The following ADAMTS3 variants were observed in gnomAD, a reference collection of about 807,000 sequenced individuals.
ADAMTS3 encodes the protein ADAM metallopeptidase with thrombospondin type 1 motif 3.
Under a neutral mutation model 129.0 loss-of-function variants are expected in ADAMTS3, and 73 were observed. The observed-to-expected ratio is 0.57, with a 90% CI of 0.47 to 0.69. The LOEUF is 0.69. Among genes scored for constraint, ADAMTS3 ranks in the 30% least tolerant of loss-of-function variants. ADAMTS3 has a pLI of 0.00. For synonymous variants in ADAMTS3, 477 were observed against 510.8 expected, an observed-to-expected ratio of 0.93 and a Z score of 0.89; for missense variants, 1,457 against 1,514.5, an observed-to-expected ratio of 0.96 and a Z score of 0.63.
chr4:72,319,100 T>C (rs1719482995), intron 9 of ADAMTS3, among the ~76,000 whole-genome samples: 1 of 152,174 alleles, frequency 6.6e-6, no homozygotes, highest in Non-Finnish European at 1.5e-5. Context: ...AACAATTTAC[T>C]AAAGGAAAAT....
chr4:72,511,108 C>T lies in ADAMTS3; in HGVS notation c.504+37370G>A, dbSNP rs148266032. ...AATAAAAGTAGATCCCTATGTCTCTCCATATGCAAAAATCAAATCAAAATA... is the reference window on the plus strand; with the variant it reads ...AATAAAAGTAGATCCCTATGTCTCTTCATATGCAAAAATCAAATCAAAATA... On this transcript the variant is annotated intron_variant, in intron 3 of 21. Transcript: ENST00000286657. Among the ~76,000 whole-genome samples, 897 of 152,166 alleles carry T rather than the reference C, an allele frequency of 5.9e-3. 5 individuals are homozygous for T. Among genetic ancestry groups the T allele is most frequent in the Middle Eastern group, 0.01 (3 of 294 alleles).
In ADAMTS3 at chr4:72,298,516, C is replaced by T. The variant is rs180972288; in HGVS notation, c.2425-74G>A. The T allele has an allele frequency of 2.6e-6, 3 of 1,155,568 alleles. No individual in the cohort carries two copies. The African/African-American group carries it at 4.6e-5, about 18-fold the overall frequency. 71.6% of individuals were successfully genotyped at this position (1,155,568 alleles called of 1,614,324 possible). ...TTTGAGTGTAAAATTACAAATATTTCAGAATATTGCTCTTATTAAAACTGA... is the reference window on the plus strand; with the variant it reads ...TTTGAGTGTAAAATTACAAATATTTTAGAATATTGCTCTTATTAAAACTGA... On this transcript the variant is annotated intron_variant, in intron 17 of 21. Coordinates refer to ENST00000286657, the MANE Select transcript of ADAMTS3 (RefSeq NM_014243.3).
intron 3 of ADAMTS3, among the ~76,000 whole-genome samples, chr4:72,530,726 A>C (rs1367813199): frequency 1.3e-5 from 1 of 75,592 alleles, no homozygotes; most frequent in East Asian, 4.0e-4. Flanking sequence ...ATAATATTAT[A>C]CATTATATAT....
At chr4:72,404,153 G>A (rs1721993488) in intron 4 of ADAMTS3, among the ~76,000 whole-genome samples, 1 of 152,018 alleles carries the variant, frequency 6.6e-6, no homozygotes, top group African/African-American at 2.4e-5. Flanking sequence ...ATTTTTTACG[G>A]ACATAGAAAA....
intron 3 of ADAMTS3, among the ~76,000 whole-genome samples, chr4:72,489,376 A>C (rs1484276207): frequency 6.6e-6 from 1 of 151,940 alleles, no homozygotes; most frequent in Non-Finnish European, 1.5e-5. Context: ...ACAATTCATA[A>C]GTTTTAAATT....
At chr4:72,382,488 AT>A (rs1487876937) in intron 4 of ADAMTS3, among the ~76,000 whole-genome samples, 2 of 152,140 alleles carry the variant, frequency 1.3e-5, no homozygotes, top group Admixed American at 1.3e-4. Context: ...TTCTCAAAGA[AT>A]TAAAAATAAA....
chr4:72,467,914 T>C (rs961861942), intron 3 of ADAMTS3, among the ~76,000 whole-genome samples: 22 of 152,056 alleles, frequency 1.4e-4, no homozygotes, highest in African/African-American at 5.1e-4. Context: ...AATCCAATTA[T>C]ATAGAGCAGT....
intron 3 of ADAMTS3, among the ~76,000 whole-genome samples, chr4:72,423,778 G>T (rs1030019794): frequency 6.6e-6 from 1 of 152,058 alleles, no homozygotes; most frequent in African/African-American, 2.4e-5. Flanking sequence ...AGAATGACTA[G>T]TATTGATCTG....
intron 3 of ADAMTS3, among the ~76,000 whole-genome samples, chr4:72,479,896 A>T (rs971972265): frequency 1.3e-5 from 2 of 152,210 alleles, no homozygotes; most frequent in Non-Finnish European, 2.9e-5. Flanking sequence ...ATATGAACAG[A>T]CACTTCTCAA....
At chr4:72,527,842 C>A (rs1720855065) in intron 3 of ADAMTS3, among the ~76,000 whole-genome samples, 1 of 152,108 alleles carries the variant, frequency 6.6e-6, no homozygotes, top group Non-Finnish European at 1.5e-5. Flanking sequence ...AGGAAGAATT[C>A]ATCCAACTAA....
intron 3 of ADAMTS3, among the ~76,000 whole-genome samples, chr4:72,547,087 G>A (rs1721487173): frequency 6.6e-6 from 1 of 152,132 alleles, no homozygotes; most frequent in South Asian, 2.1e-4. Context: ...CAGCATTTGG[G>A]CTTTGGCTGG....
intron 3 of ADAMTS3, among the ~76,000 whole-genome samples, chr4:72,486,755 C>A (rs1015884313): frequency 2.0e-4 from 30 of 152,114 alleles, no homozygotes; most frequent in Non-Finnish European, 4.3e-4. Context: ...TACAGGCATT[C>A]GAGGGTCAAT....
chr4:72,407,145 A>G (rs1351591606), intron 4 of ADAMTS3, among the ~76,000 whole-genome samples: 1 of 152,154 alleles, frequency 6.6e-6, no homozygotes, highest in East Asian at 1.9e-4. Flanking sequence ...GATGTCCACA[A>G]GGGCTTCCCA....
chr4:72,306,013 T>A lies in ADAMTS3; in HGVS notation c.2234A>T (p.Glu745Val). Reference sequence around the variant, plus strand: ...AAGAATATGAGGAGAAGCCTCGTCTTCTTGGATTAACACATGTCTAGCCCC... The same window carrying A: ...AAGAATATGAGGAGAAGCCTCGTCTACTTGGATTAACACATGTCTAGCCCC... ...PPGARHVLIQ[E>V]DEASPHILAI... is the part of the protein sequence containing the mutation. Residue 745 changes from glutamate to valine, a missense_variant, in exon 16 of 22, where the codon GAA (glutamate) becomes GTA (valine). By Grantham distance (121) the Glu-to-Val change is moderately radical (BLOSUM62 -2). Coordinates refer to ENST00000286657, the MANE Select transcript of ADAMTS3 (RefSeq NM_014243.3). 2 of 1,611,950 alleles carry A rather than the reference T, an allele frequency of 1.2e-6. No homozygotes were observed. The highest frequency in any genetic ancestry group is 1.7e-6 in the Non-Finnish European group (2 of 1,178,820).
intron 4 of ADAMTS3, among the ~76,000 whole-genome samples, chr4:72,361,846 G>A (rs960105832): frequency 7.9e-5 from 12 of 151,968 alleles, no homozygotes; most frequent in Non-Finnish European, 1.5e-4. Context: ...CTACAATTAA[G>A]TCTACATAAA....
chr4:72,387,891 T>C (rs1721488483), intron 4 of ADAMTS3, among the ~76,000 whole-genome samples: 1 of 152,030 alleles, frequency 6.6e-6, no homozygotes, highest in Non-Finnish European at 1.5e-5. Flanking sequence ...TTTCTGCAAG[T>C]TCCTAAAGAG....
chr4:72,319,852 A>T lies in ADAMTS3; in HGVS notation c.1208+6T>A. ...TTTGGCTTTATAGCTGTCAGCAGTG[A>T]CTTACACATGGCCCGTTTCATGGGC... On this transcript the variant is annotated splice_donor_region_variant and intron_variant, in intron 8 of 21. Coordinates refer to ENST00000286657, the MANE Select transcript of ADAMTS3 (RefSeq NM_014243.3). 2 of 1,607,988 alleles carry T rather than the reference A, an allele frequency of 1.2e-6. No individual in the cohort carries two copies. The highest frequency in any genetic ancestry group is 1.7e-6 in the Non-Finnish European group (2 of 1,174,512).
chr4:72,305,457 A>C (rs1230421928), intron 16 of ADAMTS3, among the ~76,000 whole-genome samples: 1 of 152,074 alleles, frequency 6.6e-6, no homozygotes, highest in African/African-American at 2.4e-5. Context: ...AAGTATGATG[A>C]ATTTTTCTGA....
At chr4:72,433,229 C>G (rs1216565771) in intron 3 of ADAMTS3, among the ~76,000 whole-genome samples, 1 of 151,960 alleles carries the variant, frequency 6.6e-6, no homozygotes, top group Non-Finnish European at 1.5e-5. Context: ...ATCTCTCCAG[C>G]TAGAAGCTCA....
Sources: gnomAD v4.1 joint callset for allele counts (sites outside exome capture counted in the v4.1 genomes callset) on GRCh38, gnomAD v4.1.1 for gene constraint, MANE v1.5 for transcripts, NCBI Gene and HGNC (gene_info 2026-07-23, HGNC 2026-07-21) for gene names.